WDR64: variants seen among roughly 807,000 people sequenced by gnomAD.
WDR64 encodes WD repeat domain 64.
Under a neutral mutation model 139.3 loss-of-function variants are expected in WDR64, and 112 were observed. The ratio of observed to expected loss-of-function variants is 0.80; its 90% CI spans 0.69 to 0.94. WDR64 has a LOEUF of 0.94. WDR64 is among the 40% of genes least tolerant of loss of function. WDR64 has a pLI of 0.00. For synonymous variants in WDR64, 444 were observed against 437.7 expected (o/e 1.01, Z -0.18); for missense variants, 1,206 against 1,293.1 (o/e 0.93, Z 1.03).
chr1:241,800,223 T>TACTC (rs1194947104), intron 27 of WDR64, among the ~76,000 whole-genome samples: 1 of 151,996 alleles, frequency 6.6e-6, no homozygotes, highest in Non-Finnish European at 1.5e-5. Context: ...GAAAGAGGAG[T>TACTC]ACTCATGTGA....
intron 16 of WDR64, 60 bp downstream of exon 16, chr1:241,766,411 A>G: frequency 6.4e-7 from 1 of 1,554,186 alleles, no homozygotes; most frequent in East Asian, 2.3e-5. Flanking sequence ...GCTCAGTAGC[A>G]TGCAACACTC....
chr1:241,761,835 T>C (rs1657913684), intron 15 of WDR64, among the ~76,000 whole-genome samples: 1 of 152,220 alleles, frequency 6.6e-6, no homozygotes, highest in Non-Finnish European at 1.5e-5. Flanking sequence ...CAACTCCTCA[T>C]CCATTCAAGT....
intron 19 of WDR64, among the ~76,000 whole-genome samples, chr1:241,772,473 T>C (rs1658494035): frequency 1.0e-5 from 1 of 98,432 alleles, no homozygotes; most frequent in African/African-American, 4.8e-5. Context: ...TTTTTTTTTT[T>C]TTTTTTTGAG....
intron 9 of WDR64, among the ~76,000 whole-genome samples, chr1:241,722,687 T>G (rs997123709): frequency 6.6e-6 from 1 of 152,192 alleles, no homozygotes; most frequent in Non-Finnish European, 1.5e-5. Context: ...AACAGTGATT[T>G]CCCACAGGGA....
chr1:241,746,611 C>T (rs1669766509), intron 13 of WDR64, among the ~76,000 whole-genome samples: 1 of 151,664 alleles, frequency 6.6e-6, no homozygotes. Context: ...GTTAGACAAA[C>T]TGCAGTAGAA....
chr1:241,771,574 C>G, intron 18 of WDR64, 87 bp from the exon 19 acceptor site: 1 of 1,001,728 alleles, frequency 1.0e-6, no homozygotes, highest in Non-Finnish European at 1.4e-6. Context: ...AATGAAAATT[C>G]AACTATCTGG....
rs563888614 is a variant in WDR64 at position 241,794,649 on chromosome 1, C to G, written c.2998-558C>G. Among the ~76,000 whole-genome samples, 17 of 151,892 alleles carry G rather than the reference C, an allele frequency of 1.1e-4. No individual in the cohort carries two copies. The South Asian group carries it at 3.5e-3, about 32-fold the overall frequency. On this transcript the variant is annotated intron_variant, in intron 25 of 27. Transcript: ENST00000437684. ...TCAGCCTCCCAAGTAGCTGGGACTA[C>G]AGGCACCTGCCACCACGCCCAGCTA... is the stretch of plus-strand genomic sequence containing the variant.
At chr1:241,678,889 C>CAAAAAAA (rs1666665723) in intron 5 of WDR64, among the ~76,000 whole-genome samples, 1 of 97,298 alleles carries the variant, frequency 1.0e-5, no homozygotes, top group African/African-American at 4.0e-5. Context: ...AAAAAAAAAG[C>CAAAAAAA]CAACACTGGA....
intron 10 of WDR64, among the ~76,000 whole-genome samples, chr1:241,733,204 G>T (rs12030681): frequency 0.16 from 24,004 of 152,068 alleles, 2,221 homozygotes; most frequent in East Asian, 0.29. Flanking sequence ...GCCAGGCACG[G>T]TGGCTCACAC....
Position 241,780,063 on chromosome 1 carries a change from G to C in WDR64, c.2595+1G>C, listed in dbSNP as rs374944179. ...CCTGGATCCACCTCATGATGAAAAG[G>C]TAAGAACTTCAGTTTTCCACTTTAA... On this transcript the variant is annotated splice_donor_variant, in intron 22 of 27. Coordinates refer to ENST00000437684, the MANE Select transcript of WDR64 (RefSeq NM_001367482.1). LOFTEE classifies it high-confidence loss of function. 1.9e-6 allele frequency: 3 copies of C among 1,590,368 alleles called. No homozygotes were observed. Among genetic ancestry groups the C allele is most frequent in the Non-Finnish European group, 2.6e-6 (3 of 1,172,614 alleles).
At chr1:241,696,791 C>G (rs967928897) in intron 8 of WDR64, among the ~76,000 whole-genome samples, 13 of 152,098 alleles carry the variant, frequency 8.5e-5, no homozygotes, top group African/African-American at 2.7e-4. Flanking sequence ...TTTACTGCAA[C>G]CTGTTTTATG....
At chr1:241,725,832 A>C (rs1447651357) in intron 10 of WDR64, among the ~76,000 whole-genome samples, 1 of 151,752 alleles carries the variant, frequency 6.6e-6, no homozygotes, top group Non-Finnish European at 1.5e-5. Context: ...CAAAAAAAAA[A>C]CTCTCAATTT....
chr1:241,787,999 A>C lies in WDR64; in HGVS notation c.2856A>C (p.Gln952His). The change falls in exon 24 of 28, where the codon CAA (glutamine) becomes CAC (histidine). Residue 952 changes from glutamine to histidine, a missense_variant. Gln to His is a conservative substitution (Grantham distance 24). Transcript: ENST00000437684. ...AAGAAAGCAAGTTCACAGAGAAGCA[A>C]AAATATGAATATCCTCTGATATTTG... ...IKEESKFTEK[Q>H]KYEYPLIFDR... The C allele has an allele frequency of 6.2e-7, 1 of 1,602,774 alleles. No individual in the cohort carries two copies.
rs7416375 is a variant in WDR64 at position 241,656,884 on chromosome 1, G to A, written c.146-3646G>A. ...TTTGCCAAATGTTGTGTGTGTGTGT[G>A]TGTGTGTGTGTGTGTGTGTGTGTGT... On this transcript the variant is annotated intron_variant, in intron 1 of 27. Coordinates refer to ENST00000437684, the MANE Select transcript of WDR64 (RefSeq NM_001367482.1). The surrounding 1 kb of genome is among the most constrained non-coding windows in gnomAD (Gnocchi z 4.3). 0.22 allele frequency among the ~76,000 whole-genome samples: 6,093 copies of A among 28,196 alleles called. 165 individuals are homozygous for A. The highest frequency in any genetic ancestry group is 0.28 in the Non-Finnish European group (3,775 of 13,296). The allele number at this position is 28,196 out of a possible 152,430, so 18.5% of individuals were successfully genotyped here.
At chr1:241,767,110 T>C (rs1266519786) in intron 16 of WDR64, among the ~76,000 whole-genome samples, 1 of 152,156 alleles carries the variant, frequency 6.6e-6, no homozygotes, top group Non-Finnish European at 1.5e-5. Flanking sequence ...ACTTCTCCCC[T>C]TCCTGTATCC....
Position 241,687,178 on chromosome 1 carries a change from C to T in WDR64, c.840-283C>T, listed in dbSNP as rs189269800. ...AATTAGCTGGGCATGGAGGTGCACA[C>T]CTGTAATCCCAGTTACTCGGGAGGC... On this transcript the variant is annotated intron_variant, in intron 7 of 27. Transcript: ENST00000437684. Among the ~76,000 whole-genome samples, 177 of 152,094 alleles carry T rather than the reference C, an allele frequency of 1.2e-3. 1 individual carries two copies. Among genetic ancestry groups the T allele is most frequent in the Middle Eastern group, 6.8e-3 (2 of 294 alleles).
intron 15 of WDR64, among the ~76,000 whole-genome samples, chr1:241,763,972 T>C (rs1209178445): frequency 6.6e-6 from 1 of 152,144 alleles, no homozygotes; most frequent in African/African-American, 2.4e-5. Context: ...AGGAGTTAGC[T>C]TGGCTCAGAT....
In WDR64 at chr1:241,712,025, G is replaced by A. The variant is rs1402880244; in HGVS notation, c.1054+144G>A. The A allele has an allele frequency of 7.7e-6, 6 of 779,558 alleles. No homozygotes were observed. In the East Asian group the frequency reaches 1.3e-4, roughly 17 times the overall value. 48.3% of individuals were successfully genotyped at this position (779,558 alleles called of 1,614,324 possible). A position where few individuals can be genotyped will look rare whatever the true frequency, so the allele number is the denominator to read the frequency against. ...GTTTGTCTTTTTCTTTCTGGCGTCT[G>A]GATTTGATAACATACTTAGAAAAGC... On this transcript the variant is annotated intron_variant, in intron 9 of 27. Transcript: ENST00000437684.
chr1:241,756,806 T>C (rs1483077881), intron 14 of WDR64, among the ~76,000 whole-genome samples: 1 of 152,196 alleles, frequency 6.6e-6, no homozygotes, highest in Non-Finnish European at 1.5e-5. Context: ...CAGTACCAAA[T>C]TGGCATCCTG....
Sources: gnomAD v4.1 joint callset for allele counts (sites outside exome capture counted in the v4.1 genomes callset) on GRCh38, gnomAD v4.1.1 for gene constraint, Gnocchi (gnomAD v3.1) non-coding constraint, MANE v1.5 for transcripts, NCBI Gene and HGNC (gene_info 2026-07-23, HGNC 2026-07-21) for gene names.